Variants in KHDC4 observed in about 807,000 individuals in gnomAD.
KHDC4 encodes the protein KH homology domain-containing protein 4.
Under a neutral mutation model 74.5 loss-of-function variants are expected in KHDC4, and 19 were observed. That is an observed-to-expected ratio of 0.26 (90% CI 0.18 to 0.37). The LOEUF (loss-of-function observed/expected upper bound fraction) is 0.37, where lower values mean the gene tolerates loss of function less well. KHDC4 is among the 10% of genes least tolerant of loss of function. KHDC4 has a pLI of 1.00. For synonymous variants in KHDC4, 253 were observed against 266.1 expected (o/e 0.95, Z 0.48); for missense variants, 632 against 754.1 (o/e 0.84, Z 1.90).
At chr1:155,927,475 A>C (rs1040712675) in intron 4 of KHDC4, among the ~76,000 whole-genome samples, 1 of 152,128 alleles carries the variant, frequency 6.6e-6, no homozygotes, top group Non-Finnish European at 1.5e-5. Flanking sequence ...CTGGTTGTCT[A>C]ATAGGTTATA....
intron 13 of KHDC4, 120 bp from the exon 14 acceptor site, chr1:155,914,440 A>G (rs1347495727): frequency 1.1e-5 from 9 of 798,902 alleles, no homozygotes; most frequent in Admixed American, 8.0e-5. Context: ...CACCATTTTG[A>G]GGTCACAGGG....
rs1257343562 is a variant in KHDC4, at chr1:155,933,651, A to G, written c.237T>C (p.Thr79=). Residue 79 remains threonine (T), a synonymous_variant, in exon 2 of 14, where the codon ACT becomes ACC. Coordinates refer to ENST00000368321, the MANE Select transcript of KHDC4 (RefSeq NM_014949.4). Reference sequence around the variant, plus strand: ...CAAATACCTTCTCAGAAGCATTCTGAGTTGGTTTCAGCTTCCCTTTTGCCA... The same window carrying G: ...CAAATACCTTCTCAGAAGCATTCTGGGTTGGTTTCAGCTTCCCTTTTGCCA... ...MLMAKGKLKP[T]QNASEKLQAP... The G allele has an allele frequency of 6.2e-7, 1 of 1,608,272 alleles. No homozygotes were observed. The highest frequency in any genetic ancestry group is 1.3e-5 in the African/African-American group (1 of 74,962).
Position 155,925,775 on chromosome 1 carries a change from C to T in KHDC4, c.750G>A (p.Glu250=), listed in dbSNP as rs373586751. The T allele has an allele frequency of 2.4e-5, 39 of 1,614,068 alleles. No individual in the cohort carries two copies. The highest frequency in any genetic ancestry group is 3.2e-5 in the Non-Finnish European group (38 of 1,180,044). The part of the protein sequence containing the change: ...EHAVPTFNVK[E]KVEGPGCSYL... ...AGGAGCAGCCTGGACCTTCCACCTT[C>T]TCCTTGACATTAAAAGTGGGTACAG... Residue 250 remains glutamate, a synonymous_variant, in exon 7 of 14, where the codon GAG becomes GAA. Coordinates refer to ENST00000368321, the MANE Select transcript of KHDC4 (RefSeq NM_014949.4).
At chr1:155,921,220 A>G in intron 10 of KHDC4, 155 bp downstream of exon 10, 1 of 827,512 alleles carries the variant, frequency 1.2e-6, no homozygotes, top group Non-Finnish European at 1.9e-6. Context: ...ACACTAATCC[A>G]AAATATTCAG....
intron 10 of KHDC4, 38 bp downstream of exon 10, chr1:155,921,337 A>T (rs1439279623): frequency 1.2e-6 from 2 of 1,600,154 alleles, no homozygotes; most frequent in South Asian, 2.2e-5. Context: ...GTTTTTCCTA[A>T]ATTCAGTAAT....
rs1673722171 is a variant in KHDC4, at chr1:155,915,971, A to C, written c.1554-7T>G. 1 of 1,552,596 alleles carries C rather than the reference A, an allele frequency of 6.4e-7. No individual in the cohort carries two copies. Among genetic ancestry groups the C allele is most frequent in the South Asian group, 1.2e-5 (1 of 83,912 alleles). ...TGGTGGAGGCATCAACTGCCTATTG[A>C]AAAACAAAATGAAACTTTCTTTCAG... On this transcript the variant is annotated splice_region_variant and splice_polypyrimidine_tract_variant and intron_variant, in intron 12 of 13. Coordinates refer to ENST00000368321, the MANE Select transcript of KHDC4 (RefSeq NM_014949.4).
At position 155,921,925 on chromosome 1, in the gene KHDC4, G is replaced by C; in HGVS notation, c.955-7C>G. 6.3e-7 allele frequency: 1 copy of C among 1,597,950 alleles called. No individual in the cohort carries two copies. On this transcript the variant is annotated splice_region_variant and splice_polypyrimidine_tract_variant and intron_variant, in intron 8 of 13. Coordinates refer to ENST00000368321, the MANE Select transcript of KHDC4 (RefSeq NM_014949.4). ...TAGAGTATTCAGCATGAACCTGAAA[G>C]AGAGGGGGAAACAAATTAACATGGG...
chr1:155,925,505 T>TTATAAATAAA (rs1673970291), intron 7 of KHDC4, 127 bp downstream of exon 7: 2 of 738,266 alleles, frequency 2.7e-6, no homozygotes, highest in African/African-American at 3.5e-5. Context: ...TAATTACTCC[T>TTATAAATAAA]AGCATTTATC....
intron 11 of KHDC4, 163 bp from the exon 12 acceptor site, chr1:155,916,900 GGGATTTTTTTTTTTCTCTATA>G: frequency 1.8e-6 from 1 of 543,696 alleles, no homozygotes; most frequent in Non-Finnish European, 3.2e-6. Flanking sequence ...GTCAAAAGTA[GGGATTTTTTTTTTTCTCTATA>G]GGACTTGGAC....
chr1:155,934,187 C>T (rs1209411691), intron 1 of KHDC4, 149 bp downstream of exon 1: 1 of 917,538 alleles, frequency 1.1e-6, no homozygotes, highest in Non-Finnish European at 1.6e-6. Flanking sequence ...TTTAAGGGCC[C>T]CAGGCCTGCT....
Position 155,934,342 on chromosome 1 carries a change from G to A in KHDC4, c.32C>T (p.Ala11Val). The A allele has an allele frequency of 1.2e-6, 2 of 1,610,544 alleles. No individual in the cohort carries two copies. Among genetic ancestry groups the A allele is most frequent in the East Asian group, 2.2e-5 (1 of 44,818 alleles). MSAGSATHPGAGGRRSKWDQP... is the reference protein window; with the variant it reads MSAGSATHPGVGGRRSKWDQP... The stretch of plus-strand genomic sequence containing the variant: ...CTCGCCCCTGAAGCCGTACCCGCCA[G>A]CTCCAGGATGTGTCGCGCTCCCCGC... The change falls in exon 1 of 14, where the codon GCT becomes GTT. Residue 11 changes from alanine to valine, a missense_variant. By Grantham distance (64) the Ala-to-Val change is moderately conservative. Coordinates refer to ENST00000368321, the MANE Select transcript of KHDC4 (RefSeq NM_014949.4).
intron 3 of KHDC4, 75 bp downstream of exon 3, chr1:155,929,637 C>T (rs984990127): frequency 2.2e-5 from 33 of 1,498,218 alleles, no homozygotes; most frequent in Middle Eastern, 1.8e-4. Flanking sequence ...AAATATCTGA[C>T]GCCTGTCTAT....
intron 2 of KHDC4, among the ~76,000 whole-genome samples, chr1:155,933,247 C>T (rs1674181676): frequency 6.6e-6 from 1 of 152,006 alleles, no homozygotes; most frequent in Non-Finnish European, 1.5e-5. Context: ...TCCATTTATC[C>T]TTTACTAACA....
At position 155,921,537 on chromosome 1, in the gene KHDC4, G is replaced by T; in HGVS notation, c.1104C>A (p.Pro368=). The T allele has an allele frequency of 1.2e-6, 2 of 1,614,090 alleles. No homozygotes were observed. Among genetic ancestry groups the T allele is most frequent in the Non-Finnish European group, 1.7e-6 (2 of 1,180,022 alleles). The part of the protein sequence containing the change: ...NGYQSGYPVV[P]PPQQPVQPPY... ...GAGGTTGAACTGGCTGCTGAGGAGGGGGAACAACAGGGTAACCAGACTGAT... is the reference window on the plus strand; with the variant it reads ...GAGGTTGAACTGGCTGCTGAGGAGGTGGAACAACAGGGTAACCAGACTGAT... The change falls in exon 10 of 14, where the codon CCC becomes CCA. Residue 368 remains proline, a synonymous_variant. Transcript: ENST00000368321.
chr1:155,933,802 A>T lies in KHDC4; in HGVS notation c.86T>A (p.Leu29His). ...DQPAPAPLLF[L>H]PPAAPGGEVT... is the part of the protein sequence containing the mutation. ...CTCCCCACCTGGGGCCGCTGGCGGG[A>T]GGAAGAGAAGTGGGGCTGGAGCTGG... is the stretch of plus-strand genomic sequence containing the variant. The change falls in exon 2 of 14, where the codon CTC becomes CAC. Residue 29 changes from leucine (L) to histidine (H), a missense_variant. Coordinates refer to ENST00000368321, the MANE Select transcript of KHDC4 (RefSeq NM_014949.4). 6.3e-7 allele frequency: 1 copy of T among 1,592,090 alleles called. No homozygotes were observed.
chr1:155,913,851 T>G lies in KHDC4; in HGVS notation c.*270A>C, dbSNP rs555487621. 42 of 450,228 alleles carry G rather than the reference T, an allele frequency of 9.3e-5. No homozygotes were observed. Among genetic ancestry groups the G allele is most frequent in the African/African-American group, 7.5e-4 (38 of 50,902 alleles). The allele number at this position is 450,228 out of a possible 1,614,324, so 27.9% of individuals were successfully genotyped here. ...TATGGGAACGACCCTGTTAGGATGC[T>G]TTGTTGGACAAGCACATTTCACCAA... On this transcript the variant is annotated 3_prime_UTR_variant, in exon 14 of 14. Coordinates refer to ENST00000368321, the MANE Select transcript of KHDC4 (RefSeq NM_014949.4).
At chr1:155,921,243 T>C in intron 10 of KHDC4, 132 bp downstream of exon 10, 1 of 1,039,738 alleles carries the variant, frequency 9.6e-7, no homozygotes, top group East Asian at 2.4e-5. Flanking sequence ...AGGTTGGTGG[T>C]AGGAACACAG....
At chr1:155,931,965 C>T (rs1348890097) in intron 2 of KHDC4, among the ~76,000 whole-genome samples, 1 of 152,074 alleles carries the variant, frequency 6.6e-6, no homozygotes, top group Non-Finnish European at 1.5e-5. Context: ...GTCTATCAGT[C>T]GAATATGGTA....
Position 155,927,279 on chromosome 1 carries a change from A to G in KHDC4, c.465-123T>C, listed in dbSNP as rs1674024518. On this transcript the variant is annotated intron_variant, in intron 4 of 13. Coordinates refer to ENST00000368321, the MANE Select transcript of KHDC4 (RefSeq NM_014949.4). ...CAAATAACCAAAAGGGACTATATAC[A>G]TTAGAAGGGTTTTTGCTAGCTAATG... is the stretch of plus-strand genomic sequence containing the variant. 2.6e-5 allele frequency: 18 copies of G among 689,902 alleles called. No individual in the cohort carries two copies. In the South Asian group the frequency reaches 2.9e-4, roughly 11 times the overall value. The allele number at this position is 689,902 out of a possible 1,614,324, so 42.7% of individuals were successfully genotyped here. A position where few individuals can be genotyped will look rare whatever the true frequency, so the allele number is the denominator to read the frequency against.
Sources: allele counts gnomAD v4.1 joint callset (sites outside exome capture counted in the v4.1 genomes callset), GRCh38; gene constraint gnomAD v4.1.1; transcripts MANE v1.5; gene names NCBI Gene and HGNC (gene_info 2026-07-23, HGNC 2026-07-21).